The following CDH17 variants were observed in gnomAD, a reference collection of about 807,000 sequenced individuals.
The protein encoded by CDH17 is cadherin 17, also known as cadherin-17.
Under a neutral mutation model 86.3 loss-of-function variants are expected in CDH17, and 67 were observed. The observed-to-expected ratio is 0.78, with a 90% CI of 0.64 to 0.95. CDH17 has a LOEUF of 0.95. Among genes scored for constraint, CDH17 ranks in the 40% least tolerant of loss-of-function variants. The probability of loss-of-function intolerance (pLI) is 0.00; values close to 1 mark genes in which losing one functional copy is unlikely to be tolerated. For synonymous variants in CDH17, 367 were observed against 366.4 expected (o/e 1.00, Z -0.02); for missense variants, 993 against 1,017.6 (o/e 0.98, Z 0.33).
intron 1 of CDH17, among the ~76,000 whole-genome samples, chr8:94,200,556 T>G (rs2446863): frequency 0.032 from 4,573 of 143,592 alleles, 243 homozygotes; most frequent in Middle Eastern, 0.045. Flanking sequence ...TTTTTTTTTT[T>G]TTTTTTTTTT....
At chr8:94,173,564 T>G (rs552305296) in intron 7 of CDH17, among the ~76,000 whole-genome samples, 2 of 152,336 alleles carry the variant, frequency 1.3e-5, no homozygotes, top group African/African-American at 4.8e-5. Context: ...CCTCAGGTAT[T>G]TCTTTATAGC....
At chr8:94,177,416 C>G (rs1197082658) in intron 4 of CDH17, among the ~76,000 whole-genome samples, 171 bp downstream of exon 4, 1 of 152,176 alleles carries the variant, frequency 6.6e-6, no homozygotes, top group African/African-American at 2.4e-5. Context: ...GTTTGCCACA[C>G]CCCTCTGTAG....
chr8:94,211,114 C>A (rs1292548075), upstream of CDH17, among the ~76,000 whole-genome samples: 1 of 151,158 alleles, frequency 6.6e-6, no homozygotes, highest in African/African-American at 2.4e-5. Context: ...GAAAACATTT[C>A]AACGCTTTTG....
At chr8:94,185,814 G>A (rs192863105) in intron 3 of CDH17, among the ~76,000 whole-genome samples, 227 of 152,074 alleles carry the variant, frequency 1.5e-3, no homozygotes, top group African/African-American at 5.1e-3. Flanking sequence ...ATTCTAACTC[G>A]TGAAAATCGT....
At chr8:94,148,720 T>C (rs755253625) in intron 14 of CDH17, 24 bp downstream of exon 14, 3 of 1,213,156 alleles carry the variant, frequency 2.5e-6, no homozygotes, top group Non-Finnish European at 3.2e-6. Context: ...CCTTTTTTTT[T>C]GTTTTTTTTT....
intron 7 of CDH17, among the ~76,000 whole-genome samples, chr8:94,173,050 C>T (rs1401147289): frequency 6.6e-6 from 1 of 152,162 alleles, no homozygotes; most frequent in African/African-American, 2.4e-5. Context: ...CAAACCATGT[C>T]CATACATAGT....
At chr8:94,207,155 G>T (rs1006373786) in intron 1 of CDH17, among the ~76,000 whole-genome samples, 17 of 152,032 alleles carry the variant, frequency 1.1e-4, no homozygotes, top group African/African-American at 3.9e-4. Flanking sequence ...TCATATTTTT[G>T]AATCCTACTT....
chr8:94,171,773 T>C (rs1813273758), intron 7 of CDH17, among the ~76,000 whole-genome samples: 1 of 152,204 alleles, frequency 6.6e-6, no homozygotes, highest in Non-Finnish European at 1.5e-5. Flanking sequence ...TTAAGCGACT[T>C]GCCCAAGGTC....
At chr8:94,137,164 G>A (rs1344746981) in intron 15 of CDH17, among the ~76,000 whole-genome samples, 1 of 152,188 alleles carries the variant, frequency 6.6e-6, no homozygotes, top group East Asian at 1.9e-4. Context: ...GAGAACCGCT[G>A]CTCTCTCCAG....
intron 2 of CDH17, among the ~76,000 whole-genome samples, chr8:94,194,344 G>T (rs1480053556): frequency 6.6e-6 from 1 of 152,190 alleles, no homozygotes; most frequent in Non-Finnish European, 1.5e-5. Context: ...TGTCATTTCA[G>T]ATTCCCTGAG....
At position 94,170,452 on chromosome 8, in the gene CDH17, T is replaced by A; in HGVS notation, c.1011A>T (p.Pro337=). 1 of 1,613,854 alleles carries A rather than the reference T, an allele frequency of 6.2e-7. No homozygotes were observed. The highest frequency in any genetic ancestry group is 8.5e-7 in the Non-Finnish European group (1 of 1,179,810). The change falls in exon 9 of 18, where the codon CCA becomes CCT. Residue 337 remains proline (P), a synonymous_variant. Coordinates refer to ENST00000027335, the MANE Select transcript of CDH17 (RefSeq NM_004063.4). ...CGGTTACTGGTGACGGACATGTAGG[T>A]GGATTATCATTAATATCTTTAACTT... ...HVKVKDINDN[P]PTCPSPVTVF... is the part of the protein sequence containing the mutation.
At chr8:94,212,830 G>T (rs1490374329), upstream of CDH17, among the ~76,000 whole-genome samples, 1 of 152,190 alleles carries the variant, frequency 6.6e-6, no homozygotes, top group Non-Finnish European at 1.5e-5. Flanking sequence ...CCTCAATCTG[G>T]CTCCAGCTAC....
chr8:94,153,999 G>A (rs1329651077), intron 12 of CDH17, among the ~76,000 whole-genome samples: 1 of 152,182 alleles, frequency 6.6e-6, no homozygotes, highest in Non-Finnish European at 1.5e-5. Context: ...ACAATATAGT[G>A]TATACTTTAA....
At chr8:94,155,951 C>T (rs570700161) in intron 12 of CDH17, among the ~76,000 whole-genome samples, 2 of 152,298 alleles carry the variant, frequency 1.3e-5, no homozygotes, top group East Asian at 3.9e-4. Flanking sequence ...ACGGAAGATG[C>T]TAAATTAGCA....
upstream of CDH17, among the ~76,000 whole-genome samples, chr8:94,209,585 C>G (rs968242077): frequency 3.9e-5 from 6 of 152,130 alleles, no homozygotes; most frequent in African/African-American, 7.2e-5. Context: ...TCCTGAGGAC[C>G]CTGCAAGTGA....
intron 12 of CDH17, among the ~76,000 whole-genome samples, chr8:94,158,439 C>CA (rs1253338832): frequency 3.3e-5 from 5 of 151,918 alleles, no homozygotes; most frequent in African/African-American, 1.2e-4. Context: ...AACTGCTGTT[C>CA]AAAAAAATAT....
chr8:94,128,642 A>G (rs955862800), intron 17 of CDH17, among the ~76,000 whole-genome samples: 2 of 152,170 alleles, frequency 1.3e-5, no homozygotes, highest in African/African-American at 4.8e-5. Context: ...TGGAGTGTAT[A>G]TGTCCCACAC....
chr8:94,185,458 G>A (rs149599646), intron 3 of CDH17, among the ~76,000 whole-genome samples: 116 of 152,196 alleles, frequency 7.6e-4, no homozygotes, highest in African/African-American at 2.6e-3. Context: ...ACTTTTACTG[G>A]CTAGGATCCC....
intron 12 of CDH17, among the ~76,000 whole-genome samples, chr8:94,156,262 C>T (rs529592405): frequency 4.6e-5 from 7 of 152,296 alleles, no homozygotes; most frequent in African/African-American, 1.4e-4. Context: ...TTTTCACTAG[C>T]GATCACTGAT....
Sources: allele counts gnomAD v4.1 joint callset (sites outside exome capture counted in the v4.1 genomes callset), GRCh38; gene constraint gnomAD v4.1.1; transcripts MANE v1.5; gene names NCBI Gene and HGNC (gene_info 2026-07-23, HGNC 2026-07-21).